The following SDCCAG8 variants were observed in gnomAD, a reference collection of about 807,000 sequenced individuals.
SDCCAG8 encodes serologically defined colon cancer antigen 8.
Under a neutral mutation model 101.8 loss-of-function variants are expected in SDCCAG8, and 74 were observed. The ratio of observed to expected loss-of-function variants is 0.73; its 90% CI spans 0.60 to 0.88. SDCCAG8 has a LOEUF of 0.88. SDCCAG8 is among the 40% of genes least tolerant of loss of function. The probability of loss-of-function intolerance (pLI) is 0.00; values close to 1 mark genes in which losing one functional copy is unlikely to be tolerated. For synonymous variants in SDCCAG8, 281 were observed against 292.9 expected (o/e 0.96, Z 0.41); for missense variants, 787 against 822.6 (o/e 0.96, Z 0.53).
At chr1:243,398,131 C>T (rs1206115291) in intron 13 of SDCCAG8, among the ~76,000 whole-genome samples, 1 of 152,180 alleles carries the variant, frequency 6.6e-6, no homozygotes, top group East Asian at 1.9e-4. Context: ...CTGCACACTG[C>T]TCACAGAGAT....
intron 16 of SDCCAG8, among the ~76,000 whole-genome samples, chr1:243,477,145 T>A (rs1405563404): frequency 6.6e-6 from 1 of 152,214 alleles, no homozygotes; most frequent in African/African-American, 2.4e-5. Flanking sequence ...CAACTTTTTA[T>A]AAGTTTGACA....
chr1:243,344,382 C>T, intron 12 of SDCCAG8, 51 bp downstream of exon 12: 2 of 1,171,276 alleles, frequency 1.7e-6, no homozygotes, highest in Non-Finnish European at 2.6e-6. Flanking sequence ...GAGTAACATT[C>T]TTTCTCAAGT....
At chr1:243,376,993 C>T (rs902337470) in intron 12 of SDCCAG8, among the ~76,000 whole-genome samples, 5 of 152,158 alleles carry the variant, frequency 3.3e-5, no homozygotes, top group African/African-American at 1.2e-4. Context: ...TTACTTCTTT[C>T]TCACTTTTCT....
At chr1:243,472,190 C>T (rs1249319517) in intron 16 of SDCCAG8, among the ~76,000 whole-genome samples, 1 of 152,212 alleles carries the variant, frequency 6.6e-6, no homozygotes, top group Non-Finnish European at 1.5e-5. Context: ...AGGTCTGCCT[C>T]CTCTCTGGGG....
intron 13 of SDCCAG8, among the ~76,000 whole-genome samples, chr1:243,402,802 A>G (rs1224909468): frequency 6.6e-6 from 1 of 152,202 alleles, no homozygotes; most frequent in Non-Finnish European, 1.5e-5. Flanking sequence ...AAATCATGTC[A>G]TCTTTTTCTT....
intron 12 of SDCCAG8, among the ~76,000 whole-genome samples, chr1:243,372,980 A>G (rs2077391969): frequency 6.8e-6 from 1 of 146,074 alleles, no homozygotes; most frequent in African/African-American, 2.6e-5. Flanking sequence ...ATATATATAT[A>G]AGATAAGATA....
At chr1:243,391,037 G>C (rs752857178) in intron 13 of SDCCAG8, among the ~76,000 whole-genome samples, 1 of 152,094 alleles carries the variant, frequency 6.6e-6, no homozygotes, top group Admixed American at 6.5e-5. Context: ...GGGCTCAAGC[G>C]GAACTCCCTC....
chr1:243,341,055 A>T lies in SDCCAG8; in HGVS notation c.1238A>T (p.Gln413Leu), dbSNP rs2075356173. ...YMGSKMLILS[Q>L]NIAQLEAQVE... Reference sequence around the variant, plus strand: ...CCCTTACAGATGTTGATCTTGTCTCAGAATATTGCCCAACTGGAGGCCCAG... The same window carrying T: ...CCCTTACAGATGTTGATCTTGTCTCTGAATATTGCCCAACTGGAGGCCCAG... Residue 413 changes from glutamine (Q) to leucine (L), a missense_variant, in exon 11 of 18, where the codon CAG (glutamine) becomes CTG (leucine). Transcript: ENST00000366541. The T allele has an allele frequency of 6.2e-7, 1 of 1,613,626 alleles. No homozygotes were observed. Among genetic ancestry groups the T allele is most frequent in the Non-Finnish European group, 8.5e-7 (1 of 1,179,602 alleles).
chr1:243,429,714 T>TTC (rs1553353866), intron 16 of SDCCAG8, among the ~76,000 whole-genome samples: 2 of 145,388 alleles, frequency 1.4e-5, no homozygotes, highest in African/African-American at 5.1e-5. Flanking sequence ...TTTTTTTTTT[T>TTC]TTTTTGAGAC....
chr1:243,449,854 C>A (rs1364583745), intron 16 of SDCCAG8, among the ~76,000 whole-genome samples: 1 of 152,142 alleles, frequency 6.6e-6, no homozygotes, highest in African/African-American at 2.4e-5. Flanking sequence ...AGTCCCTTGG[C>A]CCTTTCCCCT....
At chr1:243,378,171 A>G (rs2077711926) in intron 12 of SDCCAG8, among the ~76,000 whole-genome samples, 1 of 151,154 alleles carries the variant, frequency 6.6e-6, no homozygotes, top group Admixed American at 6.6e-5. Flanking sequence ...TAAATTTCTC[A>G]TGCTTTTTTT....
intron 5 of SDCCAG8, among the ~76,000 whole-genome samples, chr1:243,288,834 C>T (rs1013461518): frequency 1.3e-5 from 2 of 151,726 alleles, no homozygotes; most frequent in Admixed American, 1.3e-4. Context: ...TGGTGAAACC[C>T]AACTCTACTA....
intron 12 of SDCCAG8, among the ~76,000 whole-genome samples, chr1:243,369,875 CCTT>C (rs1185096328): frequency 6.6e-6 from 1 of 152,062 alleles, no homozygotes; most frequent in Admixed American, 6.6e-5. Flanking sequence ...ATATTTGACT[CCTT>C]CATTATTTTA....
intron 13 of SDCCAG8, among the ~76,000 whole-genome samples, chr1:243,404,620 G>A (rs2079629273): frequency 1.3e-5 from 2 of 152,138 alleles, no homozygotes; most frequent in Admixed American, 1.3e-4. Context: ...TGTAGATGTA[G>A]TGCTTTTTAC....
intron 12 of SDCCAG8, among the ~76,000 whole-genome samples, chr1:243,373,172 A>C (rs746711404): frequency 6.6e-6 from 1 of 152,022 alleles, no homozygotes; most frequent in Non-Finnish European, 1.5e-5. Flanking sequence ...AAGCAACTGC[A>C]TAATTTATTG....
intron 16 of SDCCAG8, among the ~76,000 whole-genome samples, chr1:243,462,132 AG>A (rs1659238667): frequency 6.6e-6 from 1 of 152,168 alleles, no homozygotes; most frequent in Admixed American, 6.5e-5. Flanking sequence ...GAGGGAATGA[AG>A]GGGGCTGCAG....
rs151181200 is a variant in SDCCAG8 at position 243,263,798 on chromosome 1, A to G, written c.68-6307A>G. 2.5e-3 allele frequency among the ~76,000 whole-genome samples: 385 copies of G among 152,282 alleles called. 4 individuals carry two copies. The highest frequency in any genetic ancestry group is 8.8e-3 in the African/African-American group (367 of 41,570). ...AAAAGTATTCTACATAGTACTTGTA[A>G]TCTCTTTCACAATTGTAATTGCCTT... On this transcript the variant is annotated intron_variant, in intron 1 of 17. Coordinates refer to ENST00000366541, the MANE Select transcript of SDCCAG8 (RefSeq NM_006642.5).
At chr1:243,301,695 G>A (rs2071519221) in intron 6 of SDCCAG8, among the ~76,000 whole-genome samples, 1 of 151,996 alleles carries the variant, frequency 6.6e-6, no homozygotes, top group Non-Finnish European at 1.5e-5. Flanking sequence ...GGAAAATGCA[G>A]ATTTTATATG....
chr1:243,291,217 G>A (rs1226736697), intron 5 of SDCCAG8, among the ~76,000 whole-genome samples: 4 of 152,158 alleles, frequency 2.6e-5, no homozygotes, highest in East Asian at 1.9e-4. Context: ...ATTAATATAC[G>A]TATTTTAATC....
Sources: allele counts gnomAD v4.1 joint callset (sites outside exome capture counted in the v4.1 genomes callset), GRCh38; gene constraint gnomAD v4.1.1; transcripts MANE v1.5; gene names NCBI Gene and HGNC (gene_info 2026-07-23, HGNC 2026-07-21).